Variants in CECR2 observed in about 807,000 individuals in gnomAD.
CECR2 encodes chromatin remodeling regulator CECR2.
CECR2 carries 30 observed loss-of-function variants against 154.5 expected under a neutral mutation model. The observed-to-expected ratio is 0.19, with a 90% confidence interval of 0.15 to 0.26. The LOEUF (loss-of-function observed/expected upper bound fraction) is 0.26, where lower values mean the gene tolerates loss of function less well. Among genes scored for constraint, CECR2 ranks in the 10% least tolerant of loss-of-function variants. The pLI, the probability that CECR2 is intolerant of heterozygous loss-of-function variation, is 1.00. For missense variants in CECR2, 1,743 were observed against 1,829.3 expected (o/e 0.95, Z 0.86); for synonymous variants, 725 against 683.7 (o/e 1.06, Z -0.94).
chr22:17,435,684 TAAAAAAAAAAAAAA>T (rs10694414), intron 1 of CECR2, among the ~76,000 whole-genome samples: 1 of 90,928 alleles, frequency 1.1e-5, no homozygotes, highest in Non-Finnish European at 2.2e-5. Flanking sequence ...TTTTAATTCT[TAAAAAAAAAAAAAA>T]AAAAAAAAAA....
intron 10 of CECR2, among the ~76,000 whole-genome samples, chr22:17,537,766 G>A (rs2056459690): frequency 1.3e-5 from 2 of 152,178 alleles, no homozygotes; most frequent in African/African-American, 4.8e-5. Context: ...GCTGAGGTGG[G>A]CAGATCACCT....
chr22:17,422,077 A>G (rs1428657279), intron 1 of CECR2, among the ~76,000 whole-genome samples: 1 of 151,800 alleles, frequency 6.6e-6, no homozygotes, highest in Non-Finnish European at 1.5e-5. Flanking sequence ...TGTAATTCTT[A>G]TCGTCTATAG....
intron 2 of CECR2, among the ~76,000 whole-genome samples, chr22:17,486,011 A>G (rs2055414128): frequency 1.3e-5 from 2 of 152,066 alleles, no homozygotes; most frequent in Non-Finnish European, 1.5e-5. Flanking sequence ...ACGAGATCTC[A>G]CTCTTCAGCG....
chr22:17,543,292 C>G (rs939910806), intron 16 of CECR2, among the ~76,000 whole-genome samples: 1 of 152,030 alleles, frequency 6.6e-6, no homozygotes, highest in African/African-American at 2.4e-5. Context: ...GCCACCACGC[C>G]CGGCTAATTT....
intron 1 of CECR2, among the ~76,000 whole-genome samples, chr22:17,404,665 G>C (rs1352514257): frequency 2.6e-5 from 4 of 151,760 alleles, no homozygotes; most frequent in Non-Finnish European, 5.9e-5. Context: ...GAACCACCGC[G>C]CCTGGCCCTG....
chr22:17,421,427 A>G (rs1412042452), intron 1 of CECR2, among the ~76,000 whole-genome samples: 1 of 152,056 alleles, frequency 6.6e-6, no homozygotes, highest in Non-Finnish European at 1.5e-5. Flanking sequence ...CATCCCGGCT[A>G]AAATGGTGAA....
At chr22:17,436,425 C>A (rs776787469) in intron 1 of CECR2, among the ~76,000 whole-genome samples, 1 of 152,176 alleles carries the variant, frequency 6.6e-6, no homozygotes, top group Non-Finnish European at 1.5e-5. Context: ...ACTGGAGTGA[C>A]GGAAGAAAGA....
chr22:17,417,365 C>T (rs923618599), intron 1 of CECR2, among the ~76,000 whole-genome samples: 3 of 152,112 alleles, frequency 2.0e-5, no homozygotes, highest in African/African-American at 7.2e-5. Context: ...GCTACGATTT[C>T]TGCTTAGGAT....
In CECR2 at chr22:17,447,033, C is replaced by CTGTTTTTTTTTTTTTTTTTTTTTTTTTTT. The variant is rs1339121774; in HGVS notation, c.127-30554_127-30553insGTTTTTTTTTTTTTTTTTTTTTTTTTTTT. On this transcript the variant is annotated intron_variant, in intron 1 of 18. Transcript: ENST00000262608. ...GAGTGCTGAGTGGTGCGTTTACAATCTTTTTTTTTTTTTTTTTTTGAGACA... is the reference window on the plus strand; with the variant it reads ...GAGTGCTGAGTGGTGCGTTTACAATCTGTTTTTTTTTTTTTTTTTTTTTTTTTTTTTTTTTTTTTTTTTTTTTTGAGACA... Among the ~76,000 whole-genome samples the CTGTTTTTTTTTTTTTTTTTTTTTTTTTTT allele has an allele frequency of 3.5e-5, 4 of 114,110 alleles. 1 individual carries two copies. The highest frequency in any genetic ancestry group is 1.1e-4 in the African/African-American group (3 of 26,652). The allele number at this position is 114,110 out of a possible 152,430, so 74.9% of individuals were successfully genotyped here. A position where few individuals can be genotyped will look rare whatever the true frequency, so the allele number is the denominator to read the frequency against.
intron 1 of CECR2, among the ~76,000 whole-genome samples, chr22:17,446,872 A>T (rs1219206416): frequency 2.0e-5 from 3 of 152,086 alleles, no homozygotes; most frequent in African/African-American, 7.2e-5. Context: ...GGCCCCGCCC[A>T]CATCCTGCTG....
intron 8 of CECR2, among the ~76,000 whole-genome samples, chr22:17,517,726 C>T (rs993881510): frequency 6.6e-6 from 1 of 152,220 alleles, no homozygotes; most frequent in Non-Finnish European, 1.5e-5. Context: ...AACTCAGTTA[C>T]AAGGCTTGGC....
At chr22:17,540,943 AT>A in intron 14 of CECR2, 143 bp downstream of exon 14, 1 of 968,906 alleles carries the variant, frequency 1.0e-6, no homozygotes, top group Non-Finnish European at 1.4e-6. Context: ...TGTTCATGTG[AT>A]TTTATTTTGT....
intron 2 of CECR2, among the ~76,000 whole-genome samples, chr22:17,482,281 G>T (rs925148447): frequency 3.3e-5 from 5 of 150,840 alleles, no homozygotes; most frequent in Non-Finnish European, 3.0e-5. Flanking sequence ...AAAATTAGCC[G>T]GGCGTGGTGG....
At chr22:17,497,619 T>C (rs1466759221) in intron 3 of CECR2, 33 bp downstream of exon 3, 5 of 1,601,302 alleles carry the variant, frequency 3.1e-6, no homozygotes, top group Non-Finnish European at 4.3e-6. Context: ...TCCCTGTAGC[T>C]GTGAAAAGCC....
At chr22:17,550,071 T>C (rs983938169) in intron 17 of CECR2, among the ~76,000 whole-genome samples, 2 of 152,132 alleles carry the variant, frequency 1.3e-5, no homozygotes, top group South Asian at 2.1e-4. Flanking sequence ...CTTTGAAATT[T>C]TTTCCACTCA....
chr22:17,483,117 A>G (rs2055357791), intron 2 of CECR2, among the ~76,000 whole-genome samples: 1 of 152,378 alleles, frequency 6.6e-6, no homozygotes, highest in African/African-American at 2.4e-5. Context: ...CAGTGGGACA[A>G]GATGTCGAGG....
At chr22:17,409,519 C>G (rs2054036054) in intron 1 of CECR2, among the ~76,000 whole-genome samples, 1 of 112,146 alleles carries the variant, frequency 8.9e-6, no homozygotes, top group African/African-American at 3.0e-5. Flanking sequence ...GCATGAGCCA[C>G]TGTGCCTGGC....
In CECR2 at chr22:17,436,082, C is replaced by T. The variant is rs182596016; in HGVS notation, c.127-41506C>T. On this transcript the variant is annotated intron_variant, in intron 1 of 18. Transcript: ENST00000262608. ...CAAGAGATTCTCCTGCCTCAGCCTC[C>T]TGGGTGGCTGGGACTACAGGTGCGT... is the stretch of plus-strand genomic sequence containing the variant. 1.1e-4 allele frequency among the ~76,000 whole-genome samples: 17 copies of T among 152,336 alleles called. No homozygotes were observed. In the East Asian group the frequency reaches 2.7e-3, roughly 24 times the overall value.
intron 1 of CECR2, among the ~76,000 whole-genome samples, chr22:17,407,596 A>G (rs865982285): frequency 6.7e-6 from 1 of 149,174 alleles, no homozygotes; most frequent in Middle Eastern, 3.5e-3. Context: ...CTCTGTCTCA[A>G]AAAAAAAAAA....
Sources: gnomAD v4.1 joint callset for allele counts (sites outside exome capture counted in the v4.1 genomes callset) on GRCh38, gnomAD v4.1.1 for gene constraint, MANE v1.5 for transcripts, NCBI Gene and HGNC (gene_info 2026-07-23, HGNC 2026-07-21) for gene names.